TMEM273: variants seen among roughly 807,000 people sequenced by gnomAD.
TMEM273 encodes transmembrane protein 273, also known as chromosome 10 open reading frame 128.
In TMEM273, 19 loss-of-function variants were observed where a neutral mutation model predicts 17.9. The observed-to-expected ratio is 1.06, with a 90% CI of 0.74 to 1.55. TMEM273 has a LOEUF of 1.55. Ranked by LOEUF, TMEM273 falls within the 40% of genes most tolerant of loss-of-function variation. TMEM273 has a pLI of 0.00. For synonymous variants in TMEM273, 66 were observed against 62.0 expected (o/e 1.07, Z -0.31); for missense variants, 194 against 155.6 (o/e 1.25, Z -1.31).
intron 1 of TMEM273, among the ~76,000 whole-genome samples, chr10:49,174,924 A>G (rs7075088): frequency 0.025 from 3,870 of 152,260 alleles, 111 homozygotes; most frequent in African/African-American, 0.073. Context: ...CTAATGCGTG[A>G]AAGTACAGTG....
intron 1 of TMEM273, among the ~76,000 whole-genome samples, chr10:49,183,271 A>G (rs1008027552): frequency 6.6e-6 from 1 of 152,164 alleles, no homozygotes. Flanking sequence ...ATATATTCTT[A>G]AGAAATAAAC....
chr10:49,184,401 C>A (rs1847539055), intron 1 of TMEM273, among the ~76,000 whole-genome samples: 1 of 152,144 alleles, frequency 6.6e-6, no homozygotes, highest in South Asian at 2.1e-4. Context: ...ATTTGGAACA[C>A]ATGAAACATA....
chr10:49,180,068 C>T (rs1372714628), intron 1 of TMEM273, among the ~76,000 whole-genome samples: 3 of 152,284 alleles, frequency 2.0e-5, no homozygotes, highest in Middle Eastern at 3.4e-3. Flanking sequence ...AAAAAGTCCC[C>T]GCCCCCAGGG....
chr10:49,173,339 G>C (rs1389714725), intron 1 of TMEM273, among the ~76,000 whole-genome samples: 1 of 152,178 alleles, frequency 6.6e-6, no homozygotes, highest in East Asian at 1.9e-4. Flanking sequence ...CGTCACTGGA[G>C]ACTGGGAGAT....
At chr10:49,157,973 C>A (rs1337852206) in intron 6 of TMEM273, among the ~76,000 whole-genome samples, 1 of 152,158 alleles carries the variant, frequency 6.6e-6, no homozygotes, top group Non-Finnish European at 1.5e-5. Flanking sequence ...TTCAACAAGG[C>A]AACCCCTATA....
intron 1 of TMEM273, among the ~76,000 whole-genome samples, chr10:49,187,879 A>T (rs1262957923): frequency 6.6e-6 from 1 of 152,224 alleles, no homozygotes; most frequent in African/African-American, 2.4e-5. Context: ...TTCTCATTCT[A>T]TGTCAGTATT....
intron 5 of TMEM273, 106 bp downstream of exon 5, chr10:49,165,099 A>G: frequency 7.1e-7 from 1 of 1,413,180 alleles, no homozygotes; most frequent in Non-Finnish European, 9.3e-7. Flanking sequence ...TGCAAAATAG[A>G]CAAATCAATA....
chr10:49,171,186 C>T (rs1261461955), intron 1 of TMEM273, among the ~76,000 whole-genome samples: 1 of 152,234 alleles, frequency 6.6e-6, no homozygotes, highest in Non-Finnish European at 1.5e-5. Context: ...CCCTTCTAAC[C>T]TGTAGATTTG....
rs188201221 is a variant in TMEM273, at chr10:49,162,662, G to C, written c.349-1040C>G. On this transcript the variant is annotated intron_variant, in intron 5 of 6. Coordinates refer to ENST00000374153, the MANE Select transcript of TMEM273 (RefSeq NM_001288740.3). ...ATTCCTGACCACAGGGGCTGAGCTG[G>C]CCACAGCAGTCTGTGTCCTCTGCCT... Among the ~76,000 whole-genome samples, 989 of 152,240 alleles carry C rather than the reference G, an allele frequency of 6.5e-3. 3 individuals carry two copies. The highest frequency in any genetic ancestry group is 0.011 in the Non-Finnish European group (752 of 68,000).
In TMEM273 at chr10:49,170,515, A is replaced by C. The variant is rs551060895; in HGVS notation, c.44-2553T>G. On this transcript the variant is annotated intron_variant, in intron 1 of 6. Transcript: ENST00000374153. ...CCTCCAAGCTGTGAGGCTTCCCCTA[A>C]TCCCTGGCCCCAAAGAGGCTCTATT... Among the ~76,000 whole-genome samples, 317 of 152,040 alleles carry C rather than the reference A, an allele frequency of 2.1e-3. 1 individual carries two copies. Among genetic ancestry groups the C allele is most frequent in the Non-Finnish European group, 4.0e-3 (270 of 67,970 alleles).
intron 2 of TMEM273, among the ~76,000 whole-genome samples, chr10:49,167,594 C>A (rs1188324978): frequency 6.6e-6 from 1 of 152,194 alleles, no homozygotes; most frequent in Non-Finnish European, 1.5e-5. Context: ...TGGAGGGAGG[C>A]ACCGATGAGG....
chr10:49,176,278 A>G (rs924376814), intron 1 of TMEM273, among the ~76,000 whole-genome samples: 5 of 152,154 alleles, frequency 3.3e-5, no homozygotes, highest in African/African-American at 1.2e-4. Context: ...ACCGGGAGGC[A>G]CTCTGGGAAG....
At chr10:49,161,719 G>A (rs1318686709) in intron 5 of TMEM273, 97 bp from the exon 6 acceptor site, 25 of 1,512,780 alleles carry the variant, frequency 1.7e-5, no homozygotes, top group Non-Finnish European at 2.2e-5. Context: ...CTTGTCATTA[G>A]CTTGCTCTTT....
At chr10:49,179,487 G>C (rs771597844) in intron 1 of TMEM273, among the ~76,000 whole-genome samples, 7 of 152,134 alleles carry the variant, frequency 4.6e-5, no homozygotes, top group Non-Finnish European at 7.4e-5. Flanking sequence ...TCCCCAAAGA[G>C]CATTACTCCA....
intron 1 of TMEM273, among the ~76,000 whole-genome samples, chr10:49,184,324 G>A (rs997629839): frequency 2.6e-5 from 4 of 152,110 alleles, no homozygotes; most frequent in Admixed American, 6.5e-5. Flanking sequence ...ATTACATCAC[G>A]CTGAAAGACT....
chr10:49,181,245 G>T (rs1669235440), intron 1 of TMEM273, among the ~76,000 whole-genome samples: 1 of 152,106 alleles, frequency 6.6e-6, no homozygotes, highest in Non-Finnish European at 1.5e-5. Context: ...CACATACCAA[G>T]TTCATGGAAA....
chr10:49,165,907 C>T (rs1846149026), intron 3 of TMEM273, 111 bp from the exon 4 acceptor site: 7 of 1,395,160 alleles, frequency 5.0e-6, no homozygotes, highest in South Asian at 2.5e-5. Context: ...CGGTTGCCCT[C>T]GAGAGACCCG....
At chr10:49,187,722 G>T (rs1166987103) in intron 1 of TMEM273, among the ~76,000 whole-genome samples, 1 of 151,862 alleles carries the variant, frequency 6.6e-6, no homozygotes, top group Non-Finnish European at 1.5e-5. Context: ...TTTAGTCTTT[G>T]CCTCTCTCCT....
rs1846744602 is a variant in TMEM273 at position 49,173,737 on chromosome 10, A to G, written c.44-5775T>C. 2.6e-5 allele frequency among the ~76,000 whole-genome samples: 4 copies of G among 152,318 alleles called. No homozygotes were observed. In the South Asian group the frequency reaches 8.3e-4, roughly 32 times the overall value. On this transcript the variant is annotated intron_variant, in intron 1 of 6. Transcript: ENST00000374153. ...ACTCTTCTCCTGGGGGATGCCGAGA[A>G]AGGTGGATGGGAGAAGTCTGAACTG...
Sources: allele counts gnomAD v4.1 joint callset (sites outside exome capture counted in the v4.1 genomes callset), GRCh38; gene constraint gnomAD v4.1.1; transcripts MANE v1.5; gene names NCBI Gene and HGNC (gene_info 2026-07-23, HGNC 2026-07-21).